Variants in NALF1 observed in about 807,000 individuals in gnomAD.
The protein encoded by NALF1 is NALCN channel auxiliary factor 1.
Under a neutral mutation model 48.4 loss-of-function variants are expected in NALF1, and 3 were observed. The observed-to-expected ratio is 0.06, with a 90% CI of 0.03 to 0.16. The LOEUF (loss-of-function observed/expected upper bound fraction) is 0.16. Among genes scored for constraint, NALF1 ranks in the 10% least tolerant of loss-of-function variants. NALF1 has a pLI of 1.00. For missense variants in NALF1, 526 were observed against 571.5 expected (o/e 0.92, Z 0.81); for synonymous variants, 262 against 245.7 (o/e 1.07, Z -0.62).
chr13:107,291,403 T>G (rs1881617260), intron 1 of NALF1, among the ~76,000 whole-genome samples: 2 of 151,622 alleles, frequency 1.3e-5, no homozygotes. Flanking sequence ...ACACCAGACC[T>G]CACGTGATGG....
At chr13:107,637,934 G>T (rs1880030002) in intron 1 of NALF1, among the ~76,000 whole-genome samples, 1 of 151,336 alleles carries the variant, frequency 6.6e-6, no homozygotes, top group Non-Finnish European at 1.5e-5. Context: ...TCTTGACTTA[G>T]AGAGTCAAAT....
chr13:107,379,858 C>A (rs1057046637), intron 1 of NALF1, among the ~76,000 whole-genome samples: 4 of 152,136 alleles, frequency 2.6e-5, no homozygotes, highest in Non-Finnish European at 5.9e-5. Flanking sequence ...ATGGAGTGGG[C>A]AGATCACATG....
chr13:107,226,152 C>G (rs1476031415), intron 1 of NALF1, among the ~76,000 whole-genome samples: 1 of 152,010 alleles, frequency 6.6e-6, no homozygotes, highest in Non-Finnish European at 1.5e-5. Flanking sequence ...ACACCACTAC[C>G]TAAACAGCAG....
chr13:107,288,338 G>A (rs1015242011), intron 1 of NALF1, among the ~76,000 whole-genome samples: 2 of 149,700 alleles, frequency 1.3e-5, no homozygotes, highest in East Asian at 2.0e-4. Context: ...TCCTGCCTCA[G>A]CCTCCCGAGT....
intron 1 of NALF1, among the ~76,000 whole-genome samples, chr13:107,274,988 G>A (rs542248562): frequency 6.8e-4 from 103 of 152,298 alleles, no homozygotes; most frequent in Middle Eastern, 3.4e-3. Flanking sequence ...AGGGAAGATT[G>A]AAAGATGTTG....
At chr13:107,680,709 G>A (rs1465649278) in intron 1 of NALF1, among the ~76,000 whole-genome samples, 1 of 150,386 alleles carries the variant, frequency 6.6e-6, no homozygotes, top group Non-Finnish European at 1.5e-5. Context: ...CATGAGAAAG[G>A]GTGGGTGGTG....
In NALF1 at chr13:107,385,552, C is replaced by CAAAAAA. The variant is rs201307018; in HGVS notation, c.916-174803_916-174798dup. On this transcript the variant is annotated intron_variant, in intron 1 of 2. Coordinates refer to ENST00000375915, the MANE Select transcript of NALF1 (RefSeq NM_001080396.3). ...TGGGTGCCAGAGCGAGATTCCATCTCAAAAAAAAAAAAAAAAAAAAAAAAA... is the reference window on the plus strand; with the variant it reads ...TGGGTGCCAGAGCGAGATTCCATCTCAAAAAAAAAAAAAAAAAAAAAAAAAAAAAAA... Among the ~76,000 whole-genome samples, 69 of 118,212 alleles carry CAAAAAA rather than the reference C, an allele frequency of 5.8e-4. 1 individual carries two copies. The highest frequency in any genetic ancestry group is 1.7e-3 in the African/African-American group (50 of 29,808). 77.6% of individuals were successfully genotyped at this position (118,212 alleles called of 152,430 possible).
chr13:107,843,249 G>A (rs1049326688), intron 1 of NALF1, among the ~76,000 whole-genome samples: 2 of 152,188 alleles, frequency 1.3e-5, no homozygotes, highest in Admixed American at 6.5e-5. Context: ...AGAGGTAGAT[G>A]CTATTATTGT....
intron 1 of NALF1, among the ~76,000 whole-genome samples, chr13:107,656,517 T>A (rs1309772212): frequency 6.6e-6 from 1 of 152,122 alleles, no homozygotes; most frequent in Non-Finnish European, 1.5e-5. Context: ...TAATAGATGT[T>A]GGCATGGATG....
At chr13:107,193,104 A>G (rs1879316578) in intron 2 of NALF1, among the ~76,000 whole-genome samples, 1 of 152,116 alleles carries the variant, frequency 6.6e-6, no homozygotes, top group Non-Finnish European at 1.5e-5. Context: ...AACACTATTT[A>G]TGGTATAAGA....
intron 1 of NALF1, among the ~76,000 whole-genome samples, chr13:107,519,514 C>G (rs560782536): frequency 1.7e-3 from 252 of 152,214 alleles, no homozygotes; most frequent in Non-Finnish European, 3.0e-3. Flanking sequence ...TTCAGGAGGA[C>G]AGCACTCAGT....
chr13:107,444,463 T>C (rs373078092), intron 1 of NALF1, among the ~76,000 whole-genome samples: 2 of 152,230 alleles, frequency 1.3e-5, no homozygotes, highest in East Asian at 1.9e-4. Flanking sequence ...AGTTAAACTT[T>C]ATTTTCTCAT....
intron 1 of NALF1, among the ~76,000 whole-genome samples, chr13:107,226,139 C>T (rs867191554): frequency 1.6e-4 from 25 of 152,162 alleles, no homozygotes; most frequent in Middle Eastern, 3.4e-3. Context: ...GGGGTTTAAA[C>T]ACACACCACT....
Position 107,168,821 on chromosome 13 carries a change from T to G in NALF1, c.*1676A>C, listed in dbSNP as rs925986543. On this transcript the variant is annotated 3_prime_UTR_variant, in exon 3 of 3. Coordinates refer to ENST00000375915, the MANE Select transcript of NALF1 (RefSeq NM_001080396.3). ...AACAAAAACAAATGCCCGGGGAAATTTCATAGCTATAAAGTTAATAACTAA... is the reference window on the plus strand; with the variant it reads ...AACAAAAACAAATGCCCGGGGAAATGTCATAGCTATAAAGTTAATAACTAA... 3 of 152,568 alleles carry G rather than the reference T, an allele frequency of 2.0e-5. No homozygotes were observed. The highest frequency in any genetic ancestry group is 2.0e-4 in the Admixed American group (3 of 15,270). 9.5% of individuals were successfully genotyped at this position (152,568 alleles called of 1,614,324 possible).
chr13:107,475,213 T>C (rs1334089945), intron 1 of NALF1, among the ~76,000 whole-genome samples: 1 of 152,210 alleles, frequency 6.6e-6, no homozygotes, highest in Non-Finnish European at 1.5e-5. Flanking sequence ...CTATCATTCA[T>C]TGAACACATG....
intron 1 of NALF1, among the ~76,000 whole-genome samples, chr13:107,417,535 G>A (rs563106413): frequency 6.6e-6 from 1 of 152,164 alleles, no homozygotes; most frequent in African/African-American, 2.4e-5. Flanking sequence ...GTCTCAATAT[G>A]CTGAACTTTG....
At chr13:107,299,472 A>AATAATAATAAT (rs1344151094) in intron 1 of NALF1, among the ~76,000 whole-genome samples, 222 of 30,056 alleles carry the variant, frequency 7.4e-3, no homozygotes, top group Non-Finnish European at 0.011. Context: ...TAATAATAAT[A>AATAATAATAAT]AATAAATAAA....
rs75489883 is a variant in NALF1, at chr13:107,524,017, A to T, written c.916-313262T>A. 7.0e-3 allele frequency among the ~76,000 whole-genome samples: 1,072 copies of T among 152,222 alleles called. 40 individuals are homozygous for T. In the East Asian group the frequency reaches 0.1, roughly 15 times the overall value. On this transcript the variant is annotated intron_variant, in intron 1 of 2. Transcript: ENST00000375915. ...GACAATTCCCCACTGCTGAATATGG[A>T]AGAGTTTTCAACGTTTTGGCTGTAA...
chr13:107,481,104 G>A lies in NALF1; in HGVS notation c.916-270349C>T, dbSNP rs1008428513. 2.0e-5 allele frequency among the ~76,000 whole-genome samples: 3 copies of A among 152,218 alleles called. No individual in the cohort carries two copies. In the East Asian group the frequency reaches 5.8e-4, roughly 29 times the overall value. On this transcript the variant is annotated intron_variant, in intron 1 of 2. Coordinates refer to ENST00000375915, the MANE Select transcript of NALF1 (RefSeq NM_001080396.3). Reference sequence around the variant, plus strand: ...GGTTTTGAGGCAGCCCTGGCTTTTTGAGGATGAAGATTTTTCTCTTTTACT... The same window carrying A: ...GGTTTTGAGGCAGCCCTGGCTTTTTAAGGATGAAGATTTTTCTCTTTTACT...
Sources: allele counts gnomAD v4.1 joint callset (sites outside exome capture counted in the v4.1 genomes callset), GRCh38; gene constraint gnomAD v4.1.1; transcripts MANE v1.5; gene names NCBI Gene and HGNC (gene_info 2026-07-23, HGNC 2026-07-21).